Variants in TMEM132D observed in about 807,000 individuals in gnomAD.
TMEM132D encodes mature OL transmembrane protein.
In TMEM132D, 21 loss-of-function variants were observed where a neutral mutation model predicts 62.3. That is an observed-to-expected ratio of 0.34 (90% CI 0.24 to 0.49). The LOEUF (loss-of-function observed/expected upper bound fraction) is 0.49, where lower values mean the gene tolerates loss of function less well. TMEM132D is among the 20% of genes least tolerant of loss of function. The pLI, the probability that TMEM132D is intolerant of heterozygous loss-of-function variation, is 0.99. For synonymous variants in TMEM132D, 621 were observed against 575.6 expected (o/e 1.08, Z -1.13); for missense variants, 1,346 against 1,402.8 (o/e 0.96, Z 0.65).
chr12:129,677,387 T>A (rs1341174021), intron 2 of TMEM132D, among the ~76,000 whole-genome samples: 1 of 152,190 alleles, frequency 6.6e-6, no homozygotes, highest in Non-Finnish European at 1.5e-5. Context: ...TCCCCAACCA[T>A]GTGGAACTGG....
chr12:129,654,140 G>A (rs1211515431), intron 2 of TMEM132D, among the ~76,000 whole-genome samples: 2 of 152,182 alleles, frequency 1.3e-5, no homozygotes, highest in Non-Finnish European at 2.9e-5. Flanking sequence ...TAGATGTGAA[G>A]TGTTATTTTC....
chr12:129,605,919 A>G (rs1878613026), intron 2 of TMEM132D, among the ~76,000 whole-genome samples: 1 of 152,046 alleles, frequency 6.6e-6, no homozygotes, highest in Non-Finnish European at 1.5e-5. Context: ...CAGCCGCCCC[A>G]TAGAGCTGCT....
intron 1 of TMEM132D, among the ~76,000 whole-genome samples, chr12:129,872,162 C>A (rs770685298): frequency 1.3e-5 from 2 of 152,204 alleles, no homozygotes; most frequent in African/African-American, 4.8e-5. Context: ...AGTGTCACAG[C>A]GGGTGACACA....
At chr12:129,352,176 T>C (rs939650414) in intron 3 of TMEM132D, among the ~76,000 whole-genome samples, 9 of 152,182 alleles carry the variant, frequency 5.9e-5, no homozygotes, top group African/African-American at 2.2e-4. Flanking sequence ...AAATTAATAA[T>C]GTGTACTAAA....
At chr12:129,122,889 C>T (rs1387928462) in intron 5 of TMEM132D, among the ~76,000 whole-genome samples, 1 of 152,122 alleles carries the variant, frequency 6.6e-6, no homozygotes, top group African/African-American at 2.4e-5. Context: ...TGATGACAAA[C>T]TGGTTATGGT....
At chr12:129,591,710 CT>C (rs1304761039) in intron 2 of TMEM132D, among the ~76,000 whole-genome samples, 4 of 151,780 alleles carry the variant, frequency 2.6e-5, no homozygotes, top group Non-Finnish European at 4.4e-5. Flanking sequence ...CCTCACGAAG[CT>C]TTTTTCCCCC....
chr12:129,778,638 G>C (rs964580779), intron 1 of TMEM132D, among the ~76,000 whole-genome samples: 3 of 152,170 alleles, frequency 2.0e-5, no homozygotes, highest in African/African-American at 7.2e-5. Flanking sequence ...ATACTTTGAC[G>C]CTAAAAACAT....
intron 4 of TMEM132D, among the ~76,000 whole-genome samples, chr12:129,242,696 C>G (rs4759932): frequency 0.23 from 35,288 of 151,268 alleles, 4,252 homozygotes; most frequent in Non-Finnish European, 0.26. Context: ...TTTTGTTTTT[C>G]TTTGGATGAA....
At chr12:129,555,516 C>A (rs1263166743) in intron 2 of TMEM132D, among the ~76,000 whole-genome samples, 1 of 152,148 alleles carries the variant, frequency 6.6e-6, no homozygotes, top group Admixed American at 6.5e-5. Flanking sequence ...CGAAGAGTTT[C>A]ATGTATAAAA....
chr12:129,272,570 G>A (rs1289716668), intron 4 of TMEM132D, among the ~76,000 whole-genome samples: 1 of 151,778 alleles, frequency 6.6e-6, no homozygotes, highest in East Asian at 1.9e-4. Context: ...TTTTTTATAT[G>A]TGTTGGCTGC....
At chr12:129,541,660 A>T (rs1876586272) in intron 2 of TMEM132D, among the ~76,000 whole-genome samples, 2 of 152,182 alleles carry the variant, frequency 1.3e-5, no homozygotes, top group Admixed American at 6.5e-5. Flanking sequence ...AATGATTGGG[A>T]TGTGGCGGCC....
intron 5 of TMEM132D, among the ~76,000 whole-genome samples, chr12:129,175,805 TCTAA>T (rs1877888280): frequency 6.6e-6 from 1 of 152,246 alleles, no homozygotes; most frequent in South Asian, 2.1e-4. Context: ...ACTTTGTCCA[TCTAA>T]CTTCTCAGAG....
At chr12:129,298,173 C>T (rs1036384408) in intron 4 of TMEM132D, among the ~76,000 whole-genome samples, 2 of 151,984 alleles carry the variant, frequency 1.3e-5, no homozygotes, top group African/African-American at 4.8e-5. Context: ...CAGCAGAAGA[C>T]AAACGAATTA....
At chr12:129,149,406 C>T (rs140781368) in intron 5 of TMEM132D, among the ~76,000 whole-genome samples, 357 of 152,180 alleles carry the variant, frequency 2.3e-3, no homozygotes, top group Non-Finnish European at 3.3e-3. Context: ...AAATGCTGCC[C>T]CTGAAAAGTA....
chr12:129,497,419 T>TAA (rs1346165899), intron 3 of TMEM132D, among the ~76,000 whole-genome samples: 1 of 152,210 alleles, frequency 6.6e-6, no homozygotes, highest in African/African-American at 2.4e-5. Flanking sequence ...CTCCACCTCT[T>TAA]ACTGAGCACA....
intron 2 of TMEM132D, among the ~76,000 whole-genome samples, chr12:129,618,493 T>C (rs894637630): frequency 6.6e-6 from 1 of 152,192 alleles, no homozygotes; most frequent in African/African-American, 2.4e-5. Flanking sequence ...ACCTTTTCTG[T>C]AAAAGTTGAG....
intron 4 of TMEM132D, among the ~76,000 whole-genome samples, chr12:129,257,421 G>A (rs1324088198): frequency 6.6e-6 from 1 of 151,910 alleles, no homozygotes; most frequent in African/African-American, 2.4e-5. Context: ...ATGTTAGCCA[G>A]GATGGTCTCA....
intron 3 of TMEM132D, among the ~76,000 whole-genome samples, chr12:129,359,779 A>G (rs1444996901): frequency 1.3e-5 from 2 of 152,232 alleles, no homozygotes; most frequent in Admixed American, 6.5e-5. Flanking sequence ...GAATAAGTTT[A>G]ATTTTAAGAG....
chr12:129,431,168 A>G (rs894239158), intron 3 of TMEM132D, among the ~76,000 whole-genome samples: 3 of 152,238 alleles, frequency 2.0e-5, no homozygotes, highest in Non-Finnish European at 4.4e-5. Flanking sequence ...AGTTCTCACA[A>G]GTAGCCCTTG....
Sources: allele counts gnomAD v4.1 joint callset (sites outside exome capture counted in the v4.1 genomes callset), GRCh38; gene constraint gnomAD v4.1.1; transcripts MANE v1.5; gene names NCBI Gene and HGNC (gene_info 2026-07-23, HGNC 2026-07-21).